The following FGF17 variants were observed in gnomAD, a reference collection of about 807,000 sequenced individuals.
FGF17 encodes fibroblast growth factor 17.
Under a neutral mutation model 23.5 loss-of-function variants are expected in FGF17, and 5 were observed. The ratio of observed to expected loss-of-function variants is 0.21; its 90% CI spans 0.11 to 0.45. The LOEUF is 0.45. Ranked by LOEUF, FGF17 falls within the 20% of genes least tolerant of loss-of-function variation. The pLI, the probability that FGF17 is intolerant of heterozygous loss-of-function variation, is 0.99. For synonymous variants in FGF17, 136 were observed against 123.0 expected (o/e 1.11, Z -0.70); for missense variants, 221 against 306.9 (o/e 0.72, Z 2.09).
intron 4 of FGF17, among the ~76,000 whole-genome samples, chr8:22,046,967 T>G (rs1281336330): frequency 6.7e-6 from 1 of 150,208 alleles, no homozygotes; most frequent in African/African-American, 2.5e-5. Context: ...TTTTTTTTTT[T>G]GTAGAGATAG....
Position 22,048,062 on chromosome 8 carries a change from G to A in FGF17, c.464G>A (p.Arg155Gln), listed in dbSNP as rs978043244. Residue 155 changes from arginine to glutamine, a missense_variant, in exon 5 of 5, where the codon CGG (arginine) becomes CAG (glutamine). Coordinates refer to ENST00000359441, the MANE Select transcript of FGF17 (RefSeq NM_003867.4). This position sits in a 1 kb window ranked among gnomAD's most constrained non-coding sequence, Gnocchi z 6.9. Reference protein sequence around the residue: ...RHEGWFMAFTRQGRPRQASRS... With the variant: ...RHEGWFMAFTQQGRPRQASRS... ...GAGGGCTGGTTCATGGCCTTCACGC[G>A]GCAGGGGCGGCCCCGCCAGGCTTCC... The A allele has an allele frequency of 3.7e-6, 6 of 1,612,706 alleles. No individual in the cohort carries two copies. The African/African-American group carries it at 8.0e-5, about 22-fold the overall frequency.
rs1563367503 is a variant in FGF17 at position 22,048,298 on chromosome 8, C to A, written c.*49C>A. 1.4e-6 allele frequency: 2 copies of A among 1,452,084 alleles called. No homozygotes were observed. Among genetic ancestry groups the A allele is most frequent in the Non-Finnish European group, 1.9e-6 (2 of 1,071,956 alleles). The allele number at this position is 1,452,084 out of a possible 1,614,324, so 89.9% of individuals were successfully genotyped here. A position where few individuals can be genotyped will look rare whatever the true frequency, so the allele number is the denominator to read the frequency against. On this transcript the variant is annotated 3_prime_UTR_variant, in exon 5 of 5. Coordinates refer to ENST00000359441, the MANE Select transcript of FGF17 (RefSeq NM_003867.4). This position sits in a 1 kb window ranked among gnomAD's most constrained non-coding sequence, Gnocchi z 6.9. ...CCCTGGGCCGCCTCCCCACCCCTTT[C>A]CCTTCTTAATCCAAGGACTGGGCTG...
At chr8:22,044,578 G>A in intron 2 of FGF17, 1 of 613,964 alleles carries the variant, frequency 1.6e-6, no homozygotes, top group South Asian at 7.1e-5. Context: ...GCCTGAACCT[G>A]GGCCAGGAGG....
upstream of FGF17, among the ~76,000 whole-genome samples, chr8:22,041,782 C>T (rs2129645641): frequency 6.6e-6 from 1 of 152,336 alleles, no homozygotes; most frequent in Non-Finnish European, 1.5e-5. Context: ...AAACTACCTC[C>T]CAATGTGCCT....
intron 2 of FGF17, chr8:22,044,820 C>G (rs1375467430): frequency 3.0e-6 from 3 of 985,572 alleles, no homozygotes; most frequent in Non-Finnish European, 3.6e-6. Context: ...CTCACTCCCC[C>G]TGCCTCAAAG....
chr8:22,045,120 A>G, intron 2 of FGF17: 1 of 985,438 alleles, frequency 1.0e-6, no homozygotes, highest in Non-Finnish European at 1.2e-6. Context: ...AGTCTCTCCC[A>G]CTCAGCCTTA....
At chr8:22,046,450 G>A (rs1049982571) in intron 3 of FGF17, 77 bp from the exon 4 acceptor site, 3 of 1,435,540 alleles carry the variant, frequency 2.1e-6, no homozygotes, top group Non-Finnish European at 2.9e-6. Flanking sequence ...AGGTCAGTGT[G>A]GCTGGGTGGT....
upstream of FGF17, among the ~76,000 whole-genome samples, chr8:22,040,011 G>A (rs548620949): frequency 1.3e-5 from 2 of 152,186 alleles, no homozygotes; most frequent in South Asian, 4.1e-4. Context: ...CTACTTCTCA[G>A]TTCCCTTATC....
At chr8:22,040,816 TG>T (rs1486505565), upstream of FGF17, among the ~76,000 whole-genome samples, 1 of 152,210 alleles carries the variant, frequency 6.6e-6, no homozygotes, top group Non-Finnish European at 1.5e-5. Context: ...ATGCCCTGCC[TG>T]GGGGCTGGGA....
In FGF17 at chr8:22,045,180, T is replaced by C. The variant is rs1413976197; in HGVS notation, c.73-934T>C. 3 of 985,386 alleles carry C rather than the reference T, an allele frequency of 3.0e-6. No homozygotes were observed. The South Asian group carries it at 1.4e-4, about 46-fold the overall frequency. 61.0% of individuals were successfully genotyped at this position (985,386 alleles called of 1,614,324 possible). A position where few individuals can be genotyped will look rare whatever the true frequency, so the allele number is the denominator to read the frequency against. On this transcript the variant is annotated intron_variant, in intron 2 of 4. Coordinates refer to ENST00000359441, the MANE Select transcript of FGF17 (RefSeq NM_003867.4). The stretch of plus-strand genomic sequence containing the variant: ...TGGGAGGCGGTACTCCTCCTGGCTT[T>C]GCACAGTGCGTGGGGGGAAATGGTT...
At chr8:22,046,020 C>G (rs1451592015) in intron 2 of FGF17, 94 bp from the exon 3 acceptor site, 3 of 1,607,490 alleles carry the variant, frequency 1.9e-6, no homozygotes, top group African/African-American at 2.7e-5. Flanking sequence ...CCTGTCCCCA[C>G]TATATTCACC....
chr8:22,043,243 G>A (rs911560313), intron 2 of FGF17, 62 bp downstream of exon 2: 4 of 1,539,366 alleles, frequency 2.6e-6, no homozygotes, highest in Middle Eastern at 1.7e-4. Flanking sequence ...CAGGGCGGGT[G>A]CAAGGGACCG....
chr8:22,040,303 G>A (rs891596130), upstream of FGF17, among the ~76,000 whole-genome samples: 2 of 152,238 alleles, frequency 1.3e-5, no homozygotes, highest in African/African-American at 4.8e-5. Context: ...AGAAGTGAAG[G>A]GACTTGCCAC....
At chr8:22,043,404 C>G (rs1800778029) in intron 2 of FGF17, among the ~76,000 whole-genome samples, 2 of 152,224 alleles carry the variant, frequency 1.3e-5, no homozygotes, top group African/African-American at 4.8e-5. Context: ...ACCCTCCCCA[C>G]TTCCCCTGGG....
chr8:22,044,820 C>CT, intron 2 of FGF17: 2 of 985,572 alleles, frequency 2.0e-6, no homozygotes, highest in Non-Finnish European at 2.4e-6. Context: ...CTCACTCCCC[C>CT]TGCCTCAAAG....
chr8:22,045,647 A>C, intron 2 of FGF17: 1 of 1,063,112 alleles, frequency 9.4e-7, no homozygotes, highest in Non-Finnish European at 1.1e-6. Flanking sequence ...GGGTCTTTCA[A>C]GGCCAGTGGG....
chr8:22,048,368 G>A lies in FGF17; in HGVS notation c.*119G>A. 1.1e-6 allele frequency: 1 copy of A among 931,542 alleles called. No homozygotes were observed. The highest frequency in any genetic ancestry group is 1.6e-6 in the Non-Finnish European group (1 of 637,528). The allele number at this position is 931,542 out of a possible 1,614,324, so 57.7% of individuals were successfully genotyped here. A position where few individuals can be genotyped will look rare whatever the true frequency, so the allele number is the denominator to read the frequency against. Reference sequence around the variant, plus strand: ...AGATCCCCGAGGGAGGACCCTGAGGGCCGCGAAGCATCCGAGCCCCCAGCT... The same window carrying A: ...AGATCCCCGAGGGAGGACCCTGAGGACCGCGAAGCATCCGAGCCCCCAGCT... On this transcript the variant is annotated 3_prime_UTR_variant, in exon 5 of 5. Transcript: ENST00000359441. The surrounding 1 kb of genome is among the most constrained non-coding windows in gnomAD (Gnocchi z 6.9).
intron 2 of FGF17, among the ~76,000 whole-genome samples, chr8:22,043,740 C>T (rs920615436): frequency 6.7e-6 from 1 of 150,090 alleles, no homozygotes; most frequent in Admixed American, 6.6e-5. Context: ...ACACTCCCCC[C>T]ACCCCAAGTC....
At chr8:22,040,956 G>A (rs1452544513), upstream of FGF17, among the ~76,000 whole-genome samples, 1 of 152,172 alleles carries the variant, frequency 6.6e-6, no homozygotes, top group East Asian at 1.9e-4. Context: ...TGAAGGATCC[G>A]CAGGGGGAAA....
Sources: allele counts gnomAD v4.1 joint callset (sites outside exome capture counted in the v4.1 genomes callset), GRCh38; gene constraint gnomAD v4.1.1; non-coding constraint Gnocchi (gnomAD v3.1); transcripts MANE v1.5; gene names NCBI Gene and HGNC (gene_info 2026-07-23, HGNC 2026-07-21).